Variants in TINAG observed in about 807,000 individuals in gnomAD.
TINAG encodes the protein tubulointerstitial nephritis antigen.
In TINAG, 83 loss-of-function variants were observed where a neutral mutation model predicts 72.7. The ratio of observed to expected loss-of-function variants is 1.14; its 90% CI spans 0.96 to 1.37. TINAG has a LOEUF of 1.37. Among genes scored for constraint, TINAG ranks in the 40% most tolerant of loss-of-function variants. TINAG has a pLI of 0.00. For synonymous variants in TINAG, 234 were observed against 189.9 expected, an observed-to-expected ratio of 1.23 and a Z score of -1.91; for missense variants, 685 against 576.6, an observed-to-expected ratio of 1.19 and a Z score of -1.93.
At chr6:54,337,518 T>C (rs1200068149) in intron 4 of TINAG, among the ~76,000 whole-genome samples, 2 of 152,124 alleles carry the variant, frequency 1.3e-5, no homozygotes, top group African/African-American at 4.8e-5. Flanking sequence ...CCTCCCAAAA[T>C]GCTGGGATTA....
intron 2 of TINAG, 119 bp downstream of exon 2, chr6:54,320,761 C>A: frequency 1.5e-6 from 1 of 671,830 alleles, no homozygotes; most frequent in Non-Finnish European, 2.4e-6. Context: ...AATCATACAT[C>A]ATAAGACATC....
intron 1 of TINAG, among the ~76,000 whole-genome samples, chr6:54,311,812 T>A (rs147681482): frequency 4.6e-5 from 7 of 152,300 alleles, no homozygotes; most frequent in Non-Finnish European, 8.8e-5. Context: ...TTGAATAAGT[T>A]TTTTTAGTTC....
chr6:54,355,861 G>A (rs1370859937), intron 9 of TINAG, among the ~76,000 whole-genome samples: 1 of 151,418 alleles, frequency 6.6e-6, no homozygotes. Context: ...AAGAAGGAAG[G>A]AAGGAAGGAA....
At chr6:54,313,751 TA>T (rs559490151) in intron 1 of TINAG, among the ~76,000 whole-genome samples, 53 of 152,280 alleles carry the variant, frequency 3.5e-4, no homozygotes, top group Non-Finnish European at 6.6e-4. Context: ...TTTGTTAAAT[TA>T]AATAATAATT....
intron 9 of TINAG, among the ~76,000 whole-genome samples, chr6:54,369,113 T>C (rs1433170488): frequency 6.6e-6 from 1 of 151,962 alleles, no homozygotes; most frequent in Non-Finnish European, 1.5e-5. Flanking sequence ...GTTATTTCAA[T>C]ATGTAATGTT....
At chr6:54,308,387 A>T (rs189443761), upstream of TINAG, 2 of 651,706 alleles carry the variant, frequency 3.1e-6, no homozygotes, top group Non-Finnish European at 5.2e-6. Context: ...GAAATTCTTG[A>T]TTAATGTTTA....
intron 1 of TINAG, among the ~76,000 whole-genome samples, chr6:54,314,458 A>T (rs1387820064): frequency 6.6e-6 from 1 of 152,176 alleles, no homozygotes; most frequent in African/African-American, 2.4e-5. Flanking sequence ...GCCAGAATAT[A>T]GTCACATGGA....
At chr6:54,326,165 G>T (rs529315390) in intron 3 of TINAG, among the ~76,000 whole-genome samples, 2 of 151,488 alleles carry the variant, frequency 1.3e-5, no homozygotes, top group Non-Finnish European at 2.9e-5. Flanking sequence ...CTAATTAAGG[G>T]CACAAAATAT....
intron 8 of TINAG, among the ~76,000 whole-genome samples, chr6:54,354,229 C>T (rs189997865): frequency 1.3e-3 from 191 of 151,840 alleles, no homozygotes; most frequent in Admixed American, 4.3e-3. Context: ...TTGTTGCAAG[C>T]GCTTAATTTT....
chr6:54,332,468 C>G (rs1488226618), intron 4 of TINAG, among the ~76,000 whole-genome samples: 1 of 152,108 alleles, frequency 6.6e-6, no homozygotes, highest in Non-Finnish European at 1.5e-5. Flanking sequence ...AAAATTAACT[C>G]AAGATGAATT....
chr6:54,365,341 C>A (rs1763374847), intron 9 of TINAG: 1 of 151,556 alleles, frequency 6.6e-6, no homozygotes. Context: ...CAAATAGACT[C>A]AAAATATTTA....
chr6:54,337,053 A>T (rs1385347164), intron 4 of TINAG, among the ~76,000 whole-genome samples: 1 of 151,994 alleles, frequency 6.6e-6, no homozygotes, highest in African/African-American at 2.4e-5. Flanking sequence ...ATGATTTTTG[A>T]GGTGAGAAAT....
intron 9 of TINAG, among the ~76,000 whole-genome samples, chr6:54,376,988 A>G (rs1343400424): frequency 6.6e-6 from 1 of 152,128 alleles, no homozygotes; most frequent in African/African-American, 2.4e-5. Context: ...AGCTGCCCAG[A>G]TTTTTTTCAA....
chr6:54,342,208 C>T (rs530016641), intron 4 of TINAG, among the ~76,000 whole-genome samples: 2 of 152,160 alleles, frequency 1.3e-5, no homozygotes, highest in African/African-American at 2.4e-5. Flanking sequence ...TTATAGTGTT[C>T]TAGATTTTCT....
At chr6:54,378,869 C>T (rs2150981339) in intron 9 of TINAG, among the ~76,000 whole-genome samples, 1 of 152,196 alleles carries the variant, frequency 6.6e-6, no homozygotes, top group South Asian at 2.1e-4. Context: ...TCTCACACCC[C>T]AAATCACTTT....
intron 1 of TINAG, among the ~76,000 whole-genome samples, chr6:54,313,014 G>A (rs9464053): frequency 0.033 from 5,063 of 152,106 alleles, 283 homozygotes; most frequent in African/African-American, 0.12. Context: ...GCACCCTTGG[G>A]CCATTACTAT....
At chr6:54,367,304 T>A (rs1334114982) in intron 9 of TINAG, 3 of 151,748 alleles carry the variant, frequency 2.0e-5, no homozygotes, top group African/African-American at 7.2e-5. Context: ...GAAAGAGGAT[T>A]TCAGTAAACT....
intron 9 of TINAG, among the ~76,000 whole-genome samples, chr6:54,361,629 C>A (rs1027767308): frequency 1.3e-5 from 2 of 151,612 alleles, no homozygotes; most frequent in African/African-American, 4.8e-5. Context: ...CAGAGCCAAA[C>A]CATATCAGAG....
intron 5 of TINAG, among the ~76,000 whole-genome samples, chr6:54,344,812 G>GTT: frequency 6.6e-6 from 1 of 152,172 alleles, no homozygotes; most frequent in East Asian, 1.9e-4. Flanking sequence ...AAAGGACATA[G>GTT]TTTTGTATCC....
Sources: gnomAD v4.1 joint callset for allele counts (sites outside exome capture counted in the v4.1 genomes callset) on GRCh38, gnomAD v4.1.1 for gene constraint, MANE v1.5 for transcripts, NCBI Gene and HGNC (gene_info 2026-07-23, HGNC 2026-07-21) for gene names.